MEI1: variants seen among roughly 807,000 people sequenced by gnomAD.
MEI1 encodes meiotic double-stranded break formation protein 1.
MEI1 carries 103 observed loss-of-function variants against 146.2 expected under a neutral mutation model. The ratio of observed to expected loss-of-function variants is 0.70; its 90% CI spans 0.60 to 0.83. The LOEUF (loss-of-function observed/expected upper bound fraction) is 0.83, where lower values mean the gene tolerates loss of function less well. Among genes scored for constraint, MEI1 ranks in the 40% least tolerant of loss-of-function variants. The pLI is 0.00. For synonymous variants in MEI1, 652 were observed against 628.2 expected (o/e 1.04, Z -0.57); for missense variants, 1,529 against 1,533.0 (o/e 1.00, Z 0.04).
At chr22:41,739,645 G>A (rs1174946055) in intron 11 of MEI1, among the ~76,000 whole-genome samples, 10 of 151,850 alleles carry the variant, frequency 6.6e-5, no homozygotes, top group African/African-American at 2.4e-4. Context: ...CTAAATCTAG[G>A]ACATGAATTC....
chr22:41,775,871 T>G (rs953413574), intron 20 of MEI1, among the ~76,000 whole-genome samples: 4 of 152,056 alleles, frequency 2.6e-5, no homozygotes, highest in African/African-American at 4.8e-5. Flanking sequence ...TGGGATTACA[T>G]GCGTGAGCCA....
chr22:41,705,623 T>G, intron 3 of MEI1, 69 bp downstream of exon 3: 1 of 1,411,470 alleles, frequency 7.1e-7, no homozygotes, highest in South Asian at 1.2e-5. Flanking sequence ...TCTGGTTACT[T>G]GAGACCTTGG....
chr22:41,784,304 C>T (rs912977899), intron 24 of MEI1, 35 bp from the exon 25 acceptor site: 4 of 1,591,272 alleles, frequency 2.5e-6, no homozygotes, highest in Non-Finnish European at 3.4e-6. Context: ...GCTTCCAGAA[C>T]ATGGGGGTTA....
intron 11 of MEI1, among the ~76,000 whole-genome samples, chr22:41,736,156 C>G (rs1414168015): frequency 6.6e-6 from 1 of 152,174 alleles, no homozygotes; most frequent in Non-Finnish European, 1.5e-5. Flanking sequence ...TCACTGTAAT[C>G]ACTGCCTCTG....
intron 15 of MEI1, among the ~76,000 whole-genome samples, chr22:41,750,120 C>G (rs1397921774): frequency 6.6e-6 from 1 of 152,152 alleles, no homozygotes; most frequent in South Asian, 2.1e-4. Flanking sequence ...TAGCAGTGAA[C>G]AAAACAGACC....
chr22:41,749,721 C>G (rs1213172331), intron 15 of MEI1, among the ~76,000 whole-genome samples: 2 of 152,200 alleles, frequency 1.3e-5, no homozygotes, highest in Admixed American at 6.5e-5. Flanking sequence ...ATCTCAGCCT[C>G]TTGCATTAAC....
intron 19 of MEI1, among the ~76,000 whole-genome samples, chr22:41,765,177 A>C (rs1377932087): frequency 6.6e-6 from 1 of 152,162 alleles, no homozygotes; most frequent in Non-Finnish European, 1.5e-5. Context: ...CACCACGCCC[A>C]GCTAATTATT....
At chr22:41,777,280 A>G (rs1017232660) in intron 21 of MEI1, among the ~76,000 whole-genome samples, 3 of 150,906 alleles carry the variant, frequency 2.0e-5, no homozygotes, top group Non-Finnish European at 4.4e-5. Flanking sequence ...CTCAGCCTCC[A>G]TAGTAGCTGG....
At position 41,724,048 on chromosome 22, in the gene MEI1, C is replaced by T. The variant is rs748043340; in HGVS notation, c.839C>T (p.Thr280Ile). The T allele has an allele frequency of 1.2e-5, 20 of 1,613,780 alleles. No individual in the cohort carries two copies. Among genetic ancestry groups the T allele is most frequent in the South Asian group, 7.7e-5 (7 of 91,058 alleles). ...AATATCGAAGGGTCATCAGGAAATA[C>T]CTCACTGCCTTTGGTGCTCAAAAAG... Reference protein sequence around the residue: ...AKNIEGSSGNTSLPLVLKKLL... With the variant: ...AKNIEGSSGNISLPLVLKKLL... The change falls in exon 7 of 31, where the codon ACC becomes ATC. Residue 280 changes from threonine (T) to isoleucine (I), a missense_variant. Transcript: ENST00000401548.
At chr22:41,754,405 T>C (rs542834269) in intron 17 of MEI1, among the ~76,000 whole-genome samples, 116 of 148,890 alleles carry the variant, frequency 7.8e-4, no homozygotes, top group Non-Finnish European at 1.3e-3. Context: ...TTCATTCAAG[T>C]AGTGTTTCTT....
At chr22:41,778,093 A>G (rs1260266295) in intron 21 of MEI1, among the ~76,000 whole-genome samples, 2 of 151,078 alleles carry the variant, frequency 1.3e-5, no homozygotes, top group South Asian at 4.2e-4. Context: ...GGCTCAAGCA[A>G]TCCCCCAACC....
rs199633553 is a variant in MEI1 at position 41,763,293 on chromosome 22, G to C, written c.2240G>C (p.Cys747Ser). ...FKASIYLLAI[C>S]QDKDNTLRET... ...GCCTCCATCTATCTGCTTGCAATCT[G>C]CCAGGACAAAGACAATACACTACGT... Residue 747 changes from cysteine (C) to serine (S), a missense_variant, in exon 19 of 31, where the codon TGC becomes TCC. Coordinates refer to ENST00000401548, the MANE Select transcript of MEI1 (RefSeq NM_152513.4). 7 of 1,613,908 alleles carry C rather than the reference G, an allele frequency of 4.3e-6. No individual in the cohort carries two copies. The Admixed American group carries it at 8.3e-5, about 19-fold the overall frequency.
Position 41,758,348 on chromosome 22 carries a change from A to G in MEI1, c.1952-17A>G. 1 of 1,605,306 alleles carries G rather than the reference A, an allele frequency of 6.2e-7. No individual in the cohort carries two copies. Among genetic ancestry groups the G allele is most frequent in the Non-Finnish European group, 8.5e-7 (1 of 1,174,246 alleles). On this transcript the variant is annotated splice_polypyrimidine_tract_variant and intron_variant, in intron 17 of 30. Coordinates refer to ENST00000401548, the MANE Select transcript of MEI1 (RefSeq NM_152513.4). ...TATGTTCTCTGTGTGGCTTTCCTCT[A>G]CTTATTCCCTCCCTAGAACTCTCTG...
chr22:41,706,890 T>G (rs980841729), intron 3 of MEI1, among the ~76,000 whole-genome samples: 6 of 151,694 alleles, frequency 4.0e-5, no homozygotes, highest in Non-Finnish European at 7.4e-5. Context: ...AGAAAAAAAC[T>G]TTAAAGAATG....
At chr22:41,705,707 ACT>A (rs1491111786) in intron 3 of MEI1, among the ~76,000 whole-genome samples, 153 bp downstream of exon 3, 2 of 131,844 alleles carry the variant, frequency 1.5e-5, no homozygotes, top group African/African-American at 7.0e-5. Flanking sequence ...TTTGTTTTTT[ACT>A]TTTTTTTTTT....
chr22:41,748,412 G>C (rs2073489688), intron 15 of MEI1, among the ~76,000 whole-genome samples, 194 bp downstream of exon 15: 1 of 152,140 alleles, frequency 6.6e-6, no homozygotes. Flanking sequence ...GGCTGGGCGT[G>C]GTAGCTCATG....
Position 41,716,075 on chromosome 22 carries a change from C to T in MEI1, c.458C>T (p.Ala153Val), listed in dbSNP as rs1446349443. 1 of 1,611,682 alleles carries T rather than the reference C, an allele frequency of 6.2e-7. No individual in the cohort carries two copies. Among genetic ancestry groups the T allele is most frequent in the Non-Finnish European group, 8.5e-7 (1 of 1,178,958 alleles). ...ATGCCCTCCATGCGAGGCAGCCTGG[C>T]CACCCTGACCCTTCTTGGCAAGTTG... ...CNMPSMRGSL[A>V]TLTLLGKLVD... Residue 153 changes from alanine (A) to valine (V), a missense_variant, in exon 5 of 31, where the codon GCC becomes GTC. Physicochemically the swap from Ala to Val is moderately conservative, Grantham distance 64. Transcript: ENST00000401548.
At chr22:41,765,819 C>G (rs1194133059) in intron 19 of MEI1, among the ~76,000 whole-genome samples, 1 of 148,930 alleles carries the variant, frequency 6.7e-6, no homozygotes, top group Non-Finnish European at 1.5e-5. Context: ...AGAAATTTAA[C>G]ATTGTATATA....
chr22:41,740,169 G>A (rs1298502574), intron 11 of MEI1, among the ~76,000 whole-genome samples: 4 of 151,940 alleles, frequency 2.6e-5, no homozygotes, highest in South Asian at 2.1e-4. Context: ...ACAGGTGCCC[G>A]CCACCACGCC....
Sources: gnomAD v4.1 joint callset for allele counts (sites outside exome capture counted in the v4.1 genomes callset) on GRCh38, gnomAD v4.1.1 for gene constraint, MANE v1.5 for transcripts, NCBI Gene and HGNC (gene_info 2026-07-23, HGNC 2026-07-21) for gene names.